KLF12: variants seen among roughly 807,000 people sequenced by gnomAD.
KLF12 encodes the protein KLF transcription factor 12, also known as Krueppel-like factor 12.
A neutral mutation model predicts 37.8 loss-of-function variants in KLF12; 9 were observed. The observed-to-expected ratio is 0.24, with a 90% confidence interval of 0.14 to 0.42. The LOEUF (loss-of-function observed/expected upper bound fraction) is 0.42. KLF12 is among the 10% of genes least tolerant of loss of function. The probability of loss-of-function intolerance (pLI) is 1.00; values close to 1 mark genes in which losing one functional copy is unlikely to be tolerated. For synonymous variants in KLF12, 208 were observed against 202.1 expected (o/e 1.03, Z -0.25); for missense variants, 411 against 516.0 (o/e 0.80, Z 1.97).
chr13:74,086,746 T>A (rs1875331885), intron 1 of KLF12, among the ~76,000 whole-genome samples: 1 of 152,212 alleles, frequency 6.6e-6, no homozygotes, highest in Non-Finnish European at 1.5e-5. Flanking sequence ...AAAACTTAAC[T>A]ACTAATAGCA....
intron 5 of KLF12, among the ~76,000 whole-genome samples, chr13:73,795,123 G>A (rs1380302248): frequency 2.0e-5 from 3 of 152,184 alleles, no homozygotes; most frequent in East Asian, 1.9e-4. Context: ...GAATTGGGAC[G>A]ACATATGAGA....
chr13:74,290,112 T>C, the KLF12 span, among the ~76,000 whole-genome samples: 1 of 152,190 alleles, frequency 6.6e-6, no homozygotes, highest in Non-Finnish European at 1.5e-5. Context: ...ACCTGTCTGC[T>C]AGACCCCCAG....
intron 5 of KLF12, among the ~76,000 whole-genome samples, chr13:73,795,081 A>G (rs1003801183): frequency 6.6e-6 from 1 of 152,202 alleles, no homozygotes; most frequent in African/African-American, 2.4e-5. Flanking sequence ...GAGATTTGCT[A>G]AAAAGAAAGT....
At chr13:73,910,591 G>A (rs1888522202) in intron 3 of KLF12, among the ~76,000 whole-genome samples, 1 of 152,124 alleles carries the variant, frequency 6.6e-6, no homozygotes, top group South Asian at 2.1e-4. Context: ...AGGAGAGAGA[G>A]AATGGTTGTT....
intron 1 of KLF12, among the ~76,000 whole-genome samples, chr13:74,034,525 T>C (rs1280908751): frequency 6.6e-6 from 1 of 152,252 alleles, no homozygotes; most frequent in Non-Finnish European, 1.5e-5. Flanking sequence ...AGTTCGCCAT[T>C]TAAACTGACA....
chr13:73,830,685 A>C (rs1884102244), intron 4 of KLF12, among the ~76,000 whole-genome samples: 1 of 152,194 alleles, frequency 6.6e-6, no homozygotes, highest in African/African-American at 2.4e-5. Context: ...TGTGTCTTCC[A>C]GAAAATTACT....
At chr13:73,996,759 C>G (rs939452302) in intron 1 of KLF12, among the ~76,000 whole-genome samples, 1 of 152,138 alleles carries the variant, frequency 6.6e-6, no homozygotes, top group African/African-American at 2.4e-5. Flanking sequence ...ACACAAAGAG[C>G]CTCCAATCAG....
intron 1 of KLF12, among the ~76,000 whole-genome samples, chr13:74,089,692 T>C (rs1419253779): frequency 1.4e-5 from 2 of 146,322 alleles, no homozygotes; most frequent in Non-Finnish European, 3.0e-5. Context: ...CAGGATCATA[T>C]GGAAAGATGC....
chr13:73,923,132 C>A (rs1242699691), intron 3 of KLF12, among the ~76,000 whole-genome samples: 2 of 151,896 alleles, frequency 1.3e-5, no homozygotes, highest in Admixed American at 1.3e-4. Context: ...TTTTTTTTAT[C>A]TTCTAAATGA....
chr13:74,177,663 C>G, the KLF12 span, among the ~76,000 whole-genome samples: 41 of 152,088 alleles, frequency 2.7e-4, no homozygotes, highest in Non-Finnish European at 5.4e-4. Context: ...AATGAAGAAG[C>G]CTGAAAGTAA....
At chr13:73,971,310 A>T (rs1264029391) in intron 2 of KLF12, among the ~76,000 whole-genome samples, 1 of 152,164 alleles carries the variant, frequency 6.6e-6, no homozygotes, top group African/African-American at 2.4e-5. Flanking sequence ...CAATCCAAAA[A>T]CATTAACTTC....
chr13:74,213,484 A>T, the KLF12 span, among the ~76,000 whole-genome samples: 1 of 151,678 alleles, frequency 6.6e-6, no homozygotes, highest in Admixed American at 6.6e-5. Context: ...AATTGTATCA[A>T]TTTTTTTTGG....
rs1174858141 is a variant in KLF12, at chr13:73,810,970, T to TA, written c.806+2181dup. Among the ~76,000 whole-genome samples the TA allele has an allele frequency of 1.5e-4, 21 of 142,024 alleles. No homozygotes were observed. In the East Asian group the frequency reaches 4.1e-3, roughly 28 times the overall value. The allele number at this position is 142,024 out of a possible 152,430, so 93.2% of individuals were successfully genotyped here. Reference sequence around the variant, plus strand: ...AAGAGATAAACAATGTTTATTTTTTTAATTTTTCTTTCTTTTTTTTTTTTT... The same window carrying TA: ...AAGAGATAAACAATGTTTATTTTTTTAAATTTTTCTTTCTTTTTTTTTTTTT... On this transcript the variant is annotated intron_variant, in intron 5 of 7. Transcript: ENST00000377669.
At chr13:73,722,132 C>T (rs1594007565) in intron 6 of KLF12, among the ~76,000 whole-genome samples, 1 of 152,124 alleles carries the variant, frequency 6.6e-6, no homozygotes, top group Non-Finnish European at 1.5e-5. Context: ...CATTGAACAT[C>T]ACCTACAGAA....
chr13:74,273,375 A>G, the KLF12 span, among the ~76,000 whole-genome samples: 4 of 151,608 alleles, frequency 2.6e-5, no homozygotes. Flanking sequence ...TGGTAAGTGT[A>G]TCTGTGCTGC....
chr13:73,884,978 T>C (rs1382034600), intron 3 of KLF12, among the ~76,000 whole-genome samples: 2 of 152,186 alleles, frequency 1.3e-5, no homozygotes, highest in East Asian at 1.9e-4. Context: ...CCGGCAGTCT[T>C]CATAATCTTC....
intron 1 of KLF12, among the ~76,000 whole-genome samples, chr13:74,009,595 G>C (rs1049093377): frequency 6.6e-6 from 1 of 152,190 alleles, no homozygotes; most frequent in Non-Finnish European, 1.5e-5. Context: ...GGGAACAAGA[G>C]AGAAGGAGAG....
Position 73,691,128 on chromosome 13 carries a change from T to G in KLF12, c.*4362A>C, listed in dbSNP as rs2137522415. 1 of 152,796 alleles carries G rather than the reference T, an allele frequency of 6.5e-6. No individual in the cohort carries two copies. Among genetic ancestry groups the G allele is most frequent in the South Asian group, 2.1e-4 (1 of 4,832 alleles). 9.5% of individuals were successfully genotyped at this position (152,796 alleles called of 1,614,324 possible). The stretch of plus-strand genomic sequence containing the variant: ...GACAGCACGGATTATTACAAATTCT[T>G]TTTAAAAAAGTTCTTTGCTGATATT... On this transcript the variant is annotated 3_prime_UTR_variant, in exon 8 of 8. Transcript: ENST00000377669.
At chr13:74,077,618 T>C (rs538931292) in intron 1 of KLF12, among the ~76,000 whole-genome samples, 5 of 152,280 alleles carry the variant, frequency 3.3e-5, no homozygotes, top group East Asian at 3.9e-4. Context: ...CCTTGGACAA[T>C]TGACTCAAAA....
Sources: allele counts gnomAD v4.1 joint callset (sites outside exome capture counted in the v4.1 genomes callset), GRCh38; gene constraint gnomAD v4.1.1; transcripts MANE v1.5; gene names NCBI Gene and HGNC (gene_info 2026-07-23, HGNC 2026-07-21).